Variants in CSMD2 observed in about 807,000 individuals in gnomAD.
CSMD2 encodes CUB and sushi domain-containing protein 2.
In CSMD2, 130 loss-of-function variants were observed where a neutral mutation model predicts 398.5. The observed-to-expected ratio is 0.33, with a 90% confidence interval of 0.28 to 0.38. CSMD2 has a LOEUF of 0.38. Ranked by LOEUF, CSMD2 falls within the 10% of genes least tolerant of loss-of-function variation. The probability of loss-of-function intolerance (pLI) is 1.00; values close to 1 mark genes in which losing one functional copy is unlikely to be tolerated. For missense variants in CSMD2, 3,829 were observed against 4,764.9 expected, an observed-to-expected ratio of 0.80 and a Z score of 5.78; for synonymous variants, 1,828 against 1,908.5, an observed-to-expected ratio of 0.96 and a Z score of 1.10.
At chr1:33,772,258 G>T (rs1651377890) in intron 13 of CSMD2, 1 of 243,588 alleles carries the variant, frequency 4.1e-6, no homozygotes, top group Non-Finnish European at 7.9e-6. Context: ...AGCAGGAAAT[G>T]TCTGGGTCTG....
chr1:34,026,903 A>T (rs4653378), intron 3 of CSMD2, among the ~76,000 whole-genome samples: 19,640 of 151,684 alleles, frequency 0.13, 1,384 homozygotes, highest in East Asian at 0.19. Context: ...AGAAAGGGAG[A>T]CACAGAAACC....
chr1:33,739,224 G>A lies in CSMD2; in HGVS notation c.2284C>T (p.Leu762Phe), dbSNP rs1646978774. 1 of 1,614,206 alleles carries A rather than the reference G, an allele frequency of 6.2e-7. No individual in the cohort carries two copies. Among genetic ancestry groups the A allele is most frequent in the Non-Finnish European group, 8.5e-7 (1 of 1,180,020 alleles). ...SISFLCDEGF[L>F]GTQGSETITC... The stretch of plus-strand genomic sequence containing the variant: ...ATGGTCTCTGAGCCCTGAGTCCCAA[G>A]GAAGCCTTCATCACAGAGGAAGGAG... Residue 762 changes from leucine to phenylalanine, a missense_variant, in exon 15 of 71, where the codon CTT (leucine) becomes TTT (phenylalanine). Physicochemically the swap from Leu to Phe is conservative, Grantham distance 22. This residue lies in a region of CSMD2 where 2,001 missense variants were observed against 2,567.1 expected (regional missense o/e 0.78). Transcript: ENST00000373381.
At position 33,556,878 on chromosome 1, in the gene CSMD2, C is replaced by T. The variant is rs186110630; in HGVS notation, c.8743+856G>A. On this transcript the variant is annotated intron_variant, in intron 55 of 70. Transcript: ENST00000373381. The stretch of plus-strand genomic sequence containing the variant: ...CACCATGTGAAGAAGGACATGTTTG[C>T]TTCTCCTTCCACCATGATTGTAAGT... Among the ~76,000 whole-genome samples the T allele has an allele frequency of 6.9e-4, 105 of 152,260 alleles. 1 individual carries two copies. Among genetic ancestry groups the T allele is most frequent in the African/African-American group, 2.1e-3 (87 of 41,544 alleles).
At chr1:33,799,323 C>A (rs1655322390) in intron 10 of CSMD2, among the ~76,000 whole-genome samples, 2 of 152,164 alleles carry the variant, frequency 1.3e-5, no homozygotes, top group Admixed American at 1.3e-4. Context: ...TTCCCTAGAG[C>A]AATGGTTTTC....
At chr1:33,551,160 G>A (rs541376974) in intron 55 of CSMD2, among the ~76,000 whole-genome samples, 1 of 152,332 alleles carries the variant, frequency 6.6e-6, no homozygotes, top group South Asian at 2.1e-4. Flanking sequence ...GGTATAACGG[G>A]CCAGAGGCCA....
intron 1 of CSMD2, among the ~76,000 whole-genome samples, chr1:34,132,337 TG>T (rs2148501400): frequency 6.7e-6 from 1 of 150,348 alleles, no homozygotes; most frequent in African/African-American, 2.5e-5. Context: ...CAGGCCCTGG[TG>T]GGTAACAGGT....
At chr1:33,681,979 A>C (rs1046944123) in intron 25 of CSMD2, among the ~76,000 whole-genome samples, 2 of 152,160 alleles carry the variant, frequency 1.3e-5, no homozygotes, top group Non-Finnish European at 2.9e-5. Flanking sequence ...CAAACAAACA[A>C]ACATAAACAA....
In CSMD2 at chr1:33,856,468, C is replaced by G. The variant is rs369100951; in HGVS notation, c.921-9472G>C. On this transcript the variant is annotated intron_variant, in intron 5 of 70. Coordinates refer to ENST00000373381, the MANE Select transcript of CSMD2 (RefSeq NM_001281956.2). ...TGGCAGACATGACTTGGAGAAGGAA[C>G]CTGCTTCCTGCCATAGAGGGTGGCA... Among the ~76,000 whole-genome samples, 6 of 152,298 alleles carry G rather than the reference C, an allele frequency of 3.9e-5. No homozygotes were observed. In the South Asian group the frequency reaches 6.2e-4, roughly 16 times the overall value.
At chr1:33,842,680 G>A (rs375426757) in intron 6 of CSMD2, among the ~76,000 whole-genome samples, 15 of 152,176 alleles carry the variant, frequency 9.9e-5, no homozygotes, top group Admixed American at 7.2e-4. Flanking sequence ...ATGAATGAGC[G>A]TAGCTGTGTT....
intron 44 of CSMD2, among the ~76,000 whole-genome samples, chr1:33,592,879 G>A (rs1289777897): frequency 6.6e-6 from 1 of 151,806 alleles, no homozygotes; most frequent in Non-Finnish European, 1.5e-5. Flanking sequence ...AACCTGGGAG[G>A]CGGAGCTTGC....
At chr1:33,929,887 C>G (rs781419986) in intron 4 of CSMD2, among the ~76,000 whole-genome samples, 2 of 152,204 alleles carry the variant, frequency 1.3e-5, no homozygotes, top group African/African-American at 2.4e-5. Context: ...CTCCTTGTCA[C>G]AGGACTCATT....
chr1:33,866,750 C>A (rs751771803), intron 5 of CSMD2, among the ~76,000 whole-genome samples: 1 of 152,246 alleles, frequency 6.6e-6, no homozygotes. Context: ...GCTGGCCCTC[C>A]AGCCTGTACA....
intron 2 of CSMD2, among the ~76,000 whole-genome samples, chr1:34,051,475 GTAAATA>G (rs1653165391): frequency 6.6e-6 from 1 of 152,022 alleles, no homozygotes; most frequent in African/African-American, 2.4e-5. Context: ...ATAAATATAC[GTAAATA>G]TAAATATATA....
At chr1:33,591,647 G>A (rs1639465275) in intron 44 of CSMD2, among the ~76,000 whole-genome samples, 1 of 152,022 alleles carries the variant, frequency 6.6e-6, no homozygotes, top group Admixed American at 6.5e-5. Context: ...TTTAGAGACA[G>A]GTTCTCATTC....
chr1:33,992,955 G>A (rs1370939690), intron 3 of CSMD2, among the ~76,000 whole-genome samples: 1 of 151,094 alleles, frequency 6.6e-6, no homozygotes, highest in Non-Finnish European at 1.5e-5. Flanking sequence ...TATGAATAGA[G>A]AAAGAGCTCT....
At chr1:33,749,184 A>G (rs566338) in intron 13 of CSMD2, among the ~76,000 whole-genome samples, 60,674 of 142,584 alleles carry the variant, frequency 0.43, 14,371 homozygotes, top group African/African-American at 0.67. Context: ...TGCAGGCTCC[A>G]CCCCCCCAGG....
intron 53 of CSMD2, among the ~76,000 whole-genome samples, chr1:33,561,436 T>C (rs1658533068): frequency 6.6e-6 from 1 of 152,222 alleles, no homozygotes. Context: ...AATTTTGATA[T>C]GCATTTCACA....
At chr1:33,880,638 A>G (rs1275821648) in intron 5 of CSMD2, among the ~76,000 whole-genome samples, 2 of 152,220 alleles carry the variant, frequency 1.3e-5, no homozygotes, top group Non-Finnish European at 2.9e-5. Context: ...AGATTTCCAT[A>G]AAGATTTTAT....
intron 25 of CSMD2, among the ~76,000 whole-genome samples, chr1:33,692,181 T>C (rs778938610): frequency 7.2e-5 from 11 of 152,266 alleles, no homozygotes; most frequent in Non-Finnish European, 1.5e-4. Flanking sequence ...GTAGGCTCTG[T>C]GTTCAGTAAA....
Sources: gnomAD v4.1 joint callset for allele counts (sites outside exome capture counted in the v4.1 genomes callset) on GRCh38, gnomAD v4.1.1 for gene constraint, gnomAD v4.1.1 regional missense constraint, MANE v1.5 for transcripts, NCBI Gene and HGNC (gene_info 2026-07-23, HGNC 2026-07-21) for gene names.